The following INTS1 variants were observed in gnomAD, a reference collection of about 807,000 sequenced individuals.
INTS1 encodes integrator complex subunit 1.
In INTS1, 137 loss-of-function variants were observed where a neutral mutation model predicts 241.6. The ratio of observed to expected loss-of-function variants is 0.57; its 90% CI spans 0.49 to 0.65. The LOEUF (loss-of-function observed/expected upper bound fraction) is 0.65, where lower values mean the gene tolerates loss of function less well. Among genes scored for constraint, INTS1 ranks in the 30% least tolerant of loss-of-function variants. The pLI, the probability that INTS1 is intolerant of heterozygous loss-of-function variation, is 0.00. For missense variants in INTS1, 3,073 were observed against 3,032.2 expected, an observed-to-expected ratio of 1.01 and a Z score of -0.32; for synonymous variants, 1,692 against 1,337.8, an observed-to-expected ratio of 1.26 and a Z score of -5.78.
chr7:1,498,268 G>T, intron 10 of INTS1, 144 bp downstream of exon 10: 1 of 1,313,206 alleles, frequency 7.6e-7, no homozygotes, highest in South Asian at 1.4e-5. Flanking sequence ...GCCCACGTGA[G>T]TTTCAAAAGC....
chr7:1,472,115 G>C, intron 44 of INTS1, 158 bp downstream of exon 44: 1 of 626,514 alleles, frequency 1.6e-6, no homozygotes, highest in South Asian at 1.9e-5. Context: ...GCCCTCTCTG[G>C]GGGTGCTCCC....
Position 1,475,981 on chromosome 7 carries a change from G to A in INTS1, c.5469C>T (p.His1823=). The A allele has an allele frequency of 3.2e-6, 5 of 1,544,896 alleles. No homozygotes were observed. The highest frequency in any genetic ancestry group is 4.4e-6 in the Non-Finnish European group (5 of 1,146,614). Residue 1823 remains histidine, a synonymous_variant, in exon 39 of 48, where the codon CAC becomes CAT. Coordinates refer to ENST00000404767, the MANE Select transcript of INTS1 (RefSeq NM_001080453.3). ...LRVPVPEVLL[H]SEGAASSSVC... Reference sequence around the variant, plus strand: ...CGCTGCTGCTGGCAGCCCCTTCGCTGTGCAGTAGGACCTCAGGCACGGGCA... The same window carrying A: ...CGCTGCTGCTGGCAGCCCCTTCGCTATGCAGTAGGACCTCAGGCACGGGCA...
chr7:1,478,368 T>C lies in INTS1; in HGVS notation c.4628A>G (p.Lys1543Arg). The change falls in exon 33 of 48, where the codon AAA becomes AGA. Residue 1543 changes from lysine (K) to arginine (R), a missense_variant and splice_region_variant. By Grantham distance (26) the Lys-to-Arg change is conservative. Coordinates refer to ENST00000404767, the MANE Select transcript of INTS1 (RefSeq NM_001080453.3). ...AGAGGATGGTGCCAGGAAGGTACCTTTGCTGATCAGGTCCGGCTCCACGCT... is the reference window on the plus strand; with the variant it reads ...AGAGGATGGTGCCAGGAAGGTACCTCTGCTGATCAGGTCCGGCTCCACGCT... ...QCSVEPDLIS[K>R]VLQGLIEVRS... is the part of the protein sequence containing the mutation. 3 of 1,612,218 alleles carry C rather than the reference T, an allele frequency of 1.9e-6. No individual in the cohort carries two copies. Among genetic ancestry groups the C allele is most frequent in the South Asian group, 1.1e-5 (1 of 91,068 alleles).
intron 27 of INTS1, chr7:1,482,308 CCT>C (rs1240819901): frequency 1.4e-5 from 6 of 420,370 alleles, no homozygotes; most frequent in East Asian, 3.5e-5. Context: ...ACTCTAGACC[CCT>C]GAGCCTGACA....
rs1781969738 is a variant in INTS1 at position 1,481,023 on chromosome 7, C to A, written c.3851-90G>T. On this transcript the variant is annotated intron_variant, in intron 28 of 47. Transcript: ENST00000404767. This position sits in a 1 kb window ranked among gnomAD's most constrained non-coding sequence, Gnocchi z 6.8. ...CCACAGAAACCAGAGTTGGAGATGC[C>A]CCCACCGTCACCAGCACTTCCCAAG... is the stretch of plus-strand genomic sequence containing the variant. The A allele has an allele frequency of 2.1e-6, 2 of 943,322 alleles. No homozygotes were observed. Among genetic ancestry groups the A allele is most frequent in the Non-Finnish European group, 1.7e-6 (1 of 601,654 alleles). 58.4% of individuals were successfully genotyped at this position (943,322 alleles called of 1,614,324 possible).
Position 1,481,237 on chromosome 7 carries a change from C to T in INTS1, c.3850+105G>A, listed in dbSNP as rs1353014436. The T allele has an allele frequency of 4.5e-6, 6 of 1,336,356 alleles. No individual in the cohort carries two copies. Among genetic ancestry groups the T allele is most frequent in the East Asian group, 2.4e-5 (1 of 41,052 alleles). 82.8% of individuals were successfully genotyped at this position (1,336,356 alleles called of 1,614,324 possible). A position where few individuals can be genotyped will look rare whatever the true frequency, so the allele number is the denominator to read the frequency against. ...CCCTCGAGTGCCACCCACACCCACC[C>T]GACCTCGGATCACCCACCCGCTCGC... On this transcript the variant is annotated intron_variant, in intron 28 of 47. Coordinates refer to ENST00000404767, the MANE Select transcript of INTS1 (RefSeq NM_001080453.3). The surrounding 1 kb of genome is among the most constrained non-coding windows in gnomAD (Gnocchi z 6.8).
At position 1,500,317 on chromosome 7, in the gene INTS1, G is replaced by C. The variant is rs757636649; in HGVS notation, c.399C>G (p.Gly133=). ...GCACGCCCTCGATCCTGTCATCGTT[G>C]CCCTCCAGCTCGGCCGCCTCGATCT... ...LDEIEAAELE[G]NDDRIEGVLC... is the part of the protein sequence containing the mutation. Residue 133 remains glycine (G), a synonymous_variant, in exon 4 of 48, where the codon GGC becomes GGG. Coordinates refer to ENST00000404767, the MANE Select transcript of INTS1 (RefSeq NM_001080453.3). 1.3e-6 allele frequency: 2 copies of C among 1,592,304 alleles called. No individual in the cohort carries two copies. Among genetic ancestry groups the C allele is most frequent in the East Asian group, 2.3e-5 (1 of 44,002 alleles).
chr7:1,485,528 T>C (rs972313698), intron 22 of INTS1, 59 bp from the exon 23 acceptor site: 1 of 1,551,278 alleles, frequency 6.4e-7, no homozygotes, highest in Non-Finnish European at 8.7e-7. Flanking sequence ...GGTCTCACCC[T>C]GGCCCCGGGA....
At chr7:1,487,726 G>C in intron 19 of INTS1, 34 bp downstream of exon 19, 1 of 1,600,024 alleles carries the variant, frequency 6.2e-7, no homozygotes, top group African/African-American at 1.3e-5. Context: ...GGTCCCGACG[G>C]CAGGCGCAGG....
chr7:1,471,229 C>G lies in INTS1; in HGVS notation c.6256-5G>C, dbSNP rs370540456. The G allele has an allele frequency of 3.4e-5, 54 of 1,572,326 alleles. No individual in the cohort carries two copies. In the African/African-American group the frequency reaches 5.7e-4, roughly 17 times the overall value. Reference sequence around the variant, plus strand: ...CATCAGCCGCTGCAGGTTGGTCTGACCGGGGGAAAGGTGGGAGGTGTGTGA... The same window carrying G: ...CATCAGCCGCTGCAGGTTGGTCTGAGCGGGGGAAAGGTGGGAGGTGTGTGA... On this transcript the variant is annotated splice_polypyrimidine_tract_variant and splice_region_variant and intron_variant, in intron 45 of 47. Coordinates refer to ENST00000404767, the MANE Select transcript of INTS1 (RefSeq NM_001080453.3).
Position 1,480,279 on chromosome 7 carries a change from G to A in INTS1, c.4074+38C>T, listed in dbSNP as rs751571951. ...AGCGAAGGCTGCACGCAGGAAGAGG[G>A]GCTGCAGGTGGAGACCCACATGCAG... On this transcript the variant is annotated intron_variant, in intron 30 of 47. Coordinates refer to ENST00000404767, the MANE Select transcript of INTS1 (RefSeq NM_001080453.3). 5.7e-6 allele frequency: 9 copies of A among 1,572,294 alleles called. No homozygotes were observed. In the African/African-American group the frequency reaches 9.5e-5, roughly 17 times the overall value.
rs1359069544 is a variant in INTS1 at position 1,481,543 on chromosome 7, GGACCCCACCCGA to G, written c.3704-67_3704-56del. The G allele has an allele frequency of 1.9e-6, 3 of 1,543,302 alleles. No individual in the cohort carries two copies. Among genetic ancestry groups the G allele is most frequent in the African/African-American group, 2.7e-5 (2 of 73,710 alleles). On this transcript the variant is annotated intron_variant, in intron 27 of 47. Coordinates refer to ENST00000404767, the MANE Select transcript of INTS1 (RefSeq NM_001080453.3). The surrounding 1 kb of genome is among the most constrained non-coding windows in gnomAD (Gnocchi z 6.8). ...CCAAAACCCGGGCAATGCGCACTCG[GGACCCCACCCGA>G]GACCTGGGGCTGCCTGTGTGCAGTG... is the stretch of plus-strand genomic sequence containing the variant.
At chr7:1,477,009 C>T (rs1781757441) in intron 35 of INTS1, 91 bp from the exon 36 acceptor site, 2 of 1,472,362 alleles carry the variant, frequency 1.4e-6, no homozygotes, top group East Asian at 4.9e-5. Flanking sequence ...ATGAGCCACT[C>T]AGAGAGCCGA....
Position 1,480,409 on chromosome 7 carries a change from G to A in INTS1, c.3982C>T (p.Pro1328Ser), listed in dbSNP as rs1325015418. Residue 1328 changes from proline (P) to serine (S), a missense_variant, in exon 30 of 48, where the codon CCA becomes TCA. Transcript: ENST00000404767. The stretch of plus-strand genomic sequence containing the variant: ...CGGCCCTGGCCTATGGGCTGCTCTG[G>A]GCTGCTCTTTGGTTTGGGTGCCTCT... Reference protein sequence around the residue: ...STEAPKPKSSPEQPIGQGRIR... With the variant: ...STEAPKPKSSSEQPIGQGRIR... 1 of 1,613,426 alleles carries A rather than the reference G, an allele frequency of 6.2e-7. No homozygotes were observed.
chr7:1,476,674 G>C lies in INTS1; in HGVS notation c.5064-17C>G. 6.2e-7 allele frequency: 1 copy of C among 1,612,586 alleles called. No individual in the cohort carries two copies. The highest frequency in any genetic ancestry group is 2.2e-5 in the East Asian group (1 of 44,874). On this transcript the variant is annotated splice_polypyrimidine_tract_variant and intron_variant, in intron 36 of 47. Transcript: ENST00000404767. ...GGGTCGAACCTGTGGGGAGGCAAAG[G>C]TTCCAGAGCACGAGGTGTCTCGTCT...
rs751727398 is a variant in INTS1 at position 1,497,321 on chromosome 7, CAG to C, written c.1426-9_1426-8del. 7 of 1,609,560 alleles carry C rather than the reference CAG, an allele frequency of 4.3e-6. No homozygotes were observed. The highest frequency in any genetic ancestry group is 5.9e-6 in the Non-Finnish European group (7 of 1,177,780). On this transcript the variant is annotated splice_region_variant and splice_polypyrimidine_tract_variant and intron_variant, in intron 10 of 47. Coordinates refer to ENST00000404767, the MANE Select transcript of INTS1 (RefSeq NM_001080453.3). The surrounding 1 kb of genome is among the most constrained non-coding windows in gnomAD (Gnocchi z 5.3). ...GGAACACCATGGCCAGGAACTGGGGCAGAGAGAGGCCGCGTGGGAGGCTGCCC... is the reference window on the plus strand; with the variant it reads ...GGAACACCATGGCCAGGAACTGGGGCAGAGAGGCCGCGTGGGAGGCTGCCC...
intron 30 of INTS1, 148 bp from the exon 31 acceptor site, chr7:1,479,832 G>A (rs1781910820): frequency 8.1e-6 from 7 of 869,532 alleles, no homozygotes; most frequent in Non-Finnish European, 1.2e-5. Context: ...GTGGCCTGAG[G>A]GGCCCAGGGC....
intron 16 of INTS1, among the ~76,000 whole-genome samples, chr7:1,491,514 A>C (rs1470280895): frequency 6.6e-6 from 1 of 152,224 alleles, no homozygotes; most frequent in African/African-American, 2.4e-5. Flanking sequence ...TTAAATCTCC[A>C]CAACCCTGGA....
In INTS1 at chr7:1,497,304, A is replaced by G. The variant is rs898854537; in HGVS notation, c.1436T>C (p.Met479Thr). 3.7e-6 allele frequency: 6 copies of G among 1,612,426 alleles called. No individual in the cohort carries two copies. In the African/African-American group the frequency reaches 6.7e-5, roughly 18 times the overall value. Residue 479 changes from methionine (M) to threonine (T), a missense_variant, in exon 11 of 48, where the codon ATG (methionine) becomes ACG (threonine). Coordinates refer to ENST00000404767, the MANE Select transcript of INTS1 (RefSeq NM_001080453.3). The surrounding 1 kb of genome is among the most constrained non-coding windows in gnomAD (Gnocchi z 5.3). The part of the protein sequence containing the change: ...SSELAPKFLA[M>T]VFQDLLTNKD... ...GTTGGTCAGCAGGTCCTGGAACACC[A>G]TGGCCAGGAACTGGGGCAGAGAGAG...
Sources: gnomAD v4.1 joint callset for allele counts (sites outside exome capture counted in the v4.1 genomes callset) on GRCh38, gnomAD v4.1.1 for gene constraint, Gnocchi (gnomAD v3.1) non-coding constraint, MANE v1.5 for transcripts, NCBI Gene and HGNC (gene_info 2026-07-23, HGNC 2026-07-21) for gene names.